The following SYT13 variants were observed in gnomAD, a reference collection of about 807,000 sequenced individuals.
SYT13 encodes synaptotagmin 13, also known as synaptotagmin-13.
Under a neutral mutation model 38.6 loss-of-function variants are expected in SYT13, and 21 were observed. The observed-to-expected ratio is 0.54, with a 90% CI of 0.39 to 0.78. The LOEUF (loss-of-function observed/expected upper bound fraction) is 0.78. SYT13 is among the 30% of genes least tolerant of loss of function. The probability of loss-of-function intolerance (pLI) is 0.00; values close to 1 mark genes in which losing one functional copy is unlikely to be tolerated. For synonymous variants in SYT13, 241 were observed against 237.6 expected (o/e 1.01, Z -0.13); for missense variants, 495 against 548.7 (o/e 0.90, Z 0.98).
intron 1 of SYT13, among the ~76,000 whole-genome samples, chr11:45,256,344 A>G (rs570902129): frequency 7.9e-5 from 12 of 152,230 alleles, no homozygotes; most frequent in Middle Eastern, 3.4e-3. Flanking sequence ...TCTCTCTGAT[A>G]TCGCCCCCAA....
rs1409936516 is a variant in SYT13, at chr11:45,252,354, A to G, written c.846+67T>C. ...TCCCTAAGACTGAGTTGCTGGGAGG[A>G]CACCAGGTTCTGCCATCCCATGCTG... On this transcript the variant is annotated intron_variant, in intron 4 of 5. Coordinates refer to ENST00000020926, the MANE Select transcript of SYT13 (RefSeq NM_020826.3). This position sits in a 1 kb window ranked among gnomAD's most constrained non-coding sequence, Gnocchi z 4.3. 8.7e-6 allele frequency: 13 copies of G among 1,486,972 alleles called. No homozygotes were observed. The highest frequency in any genetic ancestry group is 1.1e-5 in the Non-Finnish European group (12 of 1,117,290). 92.1% of individuals were successfully genotyped at this position (1,486,972 alleles called of 1,614,324 possible). A position where few individuals can be genotyped will look rare whatever the true frequency, so the allele number is the denominator to read the frequency against.
chr11:45,278,832 G>A (rs542897992), intron 1 of SYT13, among the ~76,000 whole-genome samples: 39 of 152,284 alleles, frequency 2.6e-4, no homozygotes, highest in African/African-American at 8.9e-4. Context: ...CAGCGGGTAT[G>A]TGCTCATCTC....
intron 1 of SYT13, among the ~76,000 whole-genome samples, chr11:45,275,802 G>T (rs975010909): frequency 8.5e-6 from 1 of 118,172 alleles, no homozygotes; most frequent in Non-Finnish European, 2.2e-5. Flanking sequence ...GCAGGGCCTG[G>T]GTATTGGGGG....
At chr11:45,267,900 C>G (rs961173370) in intron 1 of SYT13, among the ~76,000 whole-genome samples, 4 of 152,130 alleles carry the variant, frequency 2.6e-5, no homozygotes, top group African/African-American at 9.7e-5. Flanking sequence ...TTTTGTTATC[C>G]CTTCCAACAC....
chr11:45,246,349 AG>A, intron 5 of SYT13, 33 bp downstream of exon 5: 3 of 1,608,082 alleles, frequency 1.9e-6, no homozygotes, highest in Non-Finnish European at 2.5e-6. Context: ...CGGTAGCTGG[AG>A]GGGCCTTGGC....
In SYT13 at chr11:45,286,332, A is replaced by G. The variant is rs977873179; in HGVS notation, c.-125T>C. 8.5e-7 allele frequency: 1 copy of G among 1,181,126 alleles called. No individual in the cohort carries two copies. Among genetic ancestry groups the G allele is most frequent in the Non-Finnish European group, 1.1e-6 (1 of 877,724 alleles). The allele number at this position is 1,181,126 out of a possible 1,614,324, so 73.2% of individuals were successfully genotyped here. On this transcript the variant is annotated 5_prime_UTR_variant, in exon 1 of 6. Transcript: ENST00000020926. Reference sequence around the variant, plus strand: ...CTCTCCCGCCGCCAGAGGGGCGGGGACGGAGGGAGGGAGGACGGCTGCGAG... The same window carrying G: ...CTCTCCCGCCGCCAGAGGGGCGGGGGCGGAGGGAGGGAGGACGGCTGCGAG...
intron 1 of SYT13, among the ~76,000 whole-genome samples, chr11:45,274,522 T>C (rs1251546601): frequency 2.0e-5 from 3 of 152,222 alleles, no homozygotes; most frequent in African/African-American, 4.8e-5. Context: ...CTTTCCTCTA[T>C]GTGAAGTGAC....
At chr11:45,282,913 T>C (rs535161927) in intron 1 of SYT13, among the ~76,000 whole-genome samples, 2 of 152,292 alleles carry the variant, frequency 1.3e-5, no homozygotes, top group Admixed American at 6.5e-5. Context: ...TTTGAGAGGC[T>C]GAGGCAGGCA....
chr11:45,279,126 C>G (rs1855043128), intron 1 of SYT13, among the ~76,000 whole-genome samples: 1 of 152,220 alleles, frequency 6.6e-6, no homozygotes, highest in Non-Finnish European at 1.5e-5. Context: ...TAATCTTCAA[C>G]CTAGTCGTCA....
intron 4 of SYT13, among the ~76,000 whole-genome samples, chr11:45,251,825 C>T (rs1263373067): frequency 6.6e-6 from 1 of 152,214 alleles, no homozygotes; most frequent in Non-Finnish European, 1.5e-5. Context: ...ATTGCATGGA[C>T]CACCGGGCTC....
chr11:45,250,286 A>G (rs1038128900), intron 4 of SYT13, among the ~76,000 whole-genome samples: 6 of 152,252 alleles, frequency 3.9e-5, no homozygotes, highest in Non-Finnish European at 8.8e-5. Context: ...AGAAAGTATG[A>G]TAATTATTAG....
At chr11:45,255,115 C>CA (rs1321255745) in intron 2 of SYT13, among the ~76,000 whole-genome samples, 14 of 150,926 alleles carry the variant, frequency 9.3e-5, no homozygotes, top group Admixed American at 5.9e-4. Flanking sequence ...GACCCCATCT[C>CA]AAAAAAAATG....
At chr11:45,250,120 T>C (rs1219744646) in intron 4 of SYT13, among the ~76,000 whole-genome samples, 1 of 152,204 alleles carries the variant, frequency 6.6e-6, no homozygotes, top group Non-Finnish European at 1.5e-5. Context: ...AGGGGCTGCC[T>C]GGCCTGGACT....
In SYT13 at chr11:45,244,265, C is replaced by T; in HGVS notation, c.1068G>A (p.Trp356Ter). ...GCAGCTCAAACATGATCATCTCGTT[C>T]CACACGGGGTTGATCTTGTGCTTAG... ...KRAKHKINPV[W>*]NEMIMFELPD... is the part of the protein sequence containing the mutation. The change falls in exon 6 of 6, where the codon TGG (tryptophan) becomes TGA (stop). Residue 356 changes from tryptophan (W) to a stop codon, truncating the protein, a stop_gained. Transcript: ENST00000020926. LOFTEE classifies it high-confidence loss of function. 1 of 1,614,040 alleles carries T rather than the reference C, an allele frequency of 6.2e-7. No individual in the cohort carries two copies. Among genetic ancestry groups the T allele is most frequent in the Non-Finnish European group, 8.5e-7 (1 of 1,180,050 alleles).
At chr11:45,254,443 G>A (rs2135891791) in intron 2 of SYT13, 39 bp from the exon 3 acceptor site, 1 of 1,597,166 alleles carries the variant, frequency 6.3e-7, no homozygotes, top group Non-Finnish European at 8.5e-7. Flanking sequence ...CACCCACACT[G>A]GGGTTCTGCT....
intron 4 of SYT13, among the ~76,000 whole-genome samples, chr11:45,251,386 T>TAAA (rs10649998): frequency 0.26 from 19,566 of 75,140 alleles, 3,662 homozygotes; most frequent in Non-Finnish European, 0.31. Context: ...AGACTCTGTC[T>TAAA]AAAAAAAAAA....
At position 45,273,363 on chromosome 11, in the gene SYT13, C is replaced by T. The variant is rs574357364; in HGVS notation, c.183+12662G>A. The stretch of plus-strand genomic sequence containing the variant: ...GGTGATGAAGGCCCCTCACACTCCT[C>T]TTGTCCTCAGATCTCCTTTGGGCCA... On this transcript the variant is annotated intron_variant, in intron 1 of 5. Coordinates refer to ENST00000020926, the MANE Select transcript of SYT13 (RefSeq NM_020826.3). 3.9e-3 allele frequency among the ~76,000 whole-genome samples: 596 copies of T among 152,210 alleles called. 5 individuals are homozygous for T. The highest frequency in any genetic ancestry group is 6.0e-3 in the Non-Finnish European group (406 of 68,020).
At chr11:45,270,674 A>G (rs548857502) in intron 1 of SYT13, among the ~76,000 whole-genome samples, 1 of 152,340 alleles carries the variant, frequency 6.6e-6, no homozygotes, top group South Asian at 2.1e-4. Flanking sequence ...AGGTAAATCT[A>G]CAAAACCATC....
At chr11:45,267,306 C>T (rs1854895589) in intron 1 of SYT13, among the ~76,000 whole-genome samples, 1 of 152,238 alleles carries the variant, frequency 6.6e-6, no homozygotes. Flanking sequence ...CTCCACGTTT[C>T]TGTGCCCCTA....
Sources: gnomAD v4.1 joint callset for allele counts (sites outside exome capture counted in the v4.1 genomes callset) on GRCh38, gnomAD v4.1.1 for gene constraint, Gnocchi (gnomAD v3.1) non-coding constraint, MANE v1.5 for transcripts, NCBI Gene and HGNC (gene_info 2026-07-23, HGNC 2026-07-21) for gene names.